C8orf34: variants seen among roughly 807,000 people sequenced by gnomAD.
C8orf34 encodes the protein uncharacterized protein C8orf34.
C8orf34 carries 65 observed loss-of-function variants against 68.3 expected under a neutral mutation model. The observed-to-expected ratio is 0.95, with a 90% CI of 0.78 to 1.17. C8orf34 has a LOEUF of 1.17. Ranked by LOEUF, C8orf34 falls within the 50% of genes most tolerant of loss-of-function variation. The pLI, the probability that C8orf34 is intolerant of heterozygous loss-of-function variation, is 0.00. For synonymous variants in C8orf34, 244 were observed against 241.2 expected, an observed-to-expected ratio of 1.01 and a Z score of -0.11; for missense variants, 664 against 655.4, an observed-to-expected ratio of 1.01 and a Z score of -0.14.
chr8:68,767,247 T>C (rs1202475854), intron 10 of C8orf34, among the ~76,000 whole-genome samples: 1 of 152,090 alleles, frequency 6.6e-6, no homozygotes, highest in Non-Finnish European at 1.5e-5. Context: ...AGAAAACCCA[T>C]CAGTATTCCA....
chr8:68,619,262 G>A (rs1818318039), intron 7 of C8orf34, among the ~76,000 whole-genome samples: 1 of 152,174 alleles, frequency 6.6e-6, no homozygotes, highest in Admixed American at 6.6e-5. Flanking sequence ...GGAGACAGAG[G>A]TTTCAGTGAG....
At chr8:68,332,308 G>A (rs953743329) in intron 1 of C8orf34, among the ~76,000 whole-genome samples, 3 of 151,528 alleles carry the variant, frequency 2.0e-5, no homozygotes, top group African/African-American at 7.3e-5. Context: ...CCAGTTCAGG[G>A]GGCACTGACC....
intron 12 of C8orf34, among the ~76,000 whole-genome samples, chr8:68,788,791 G>A (rs991249740): frequency 4.6e-5 from 7 of 152,112 alleles, no homozygotes; most frequent in East Asian, 1.9e-4. Context: ...ACTGGGAGGC[G>A]GAGGTTGCAG....
intron 1 of C8orf34, among the ~76,000 whole-genome samples, chr8:68,401,883 G>GTT (rs973533277): frequency 6.7e-6 from 1 of 150,322 alleles, no homozygotes; most frequent in African/African-American, 2.5e-5. Context: ...GTGTGTGTGT[G>GTT]TGTGTTCGTA....
At chr8:68,767,767 G>A (rs1823223328) in intron 10 of C8orf34, among the ~76,000 whole-genome samples, 1 of 152,144 alleles carries the variant, frequency 6.6e-6, no homozygotes, top group Non-Finnish European at 1.5e-5. Flanking sequence ...AGTCTCCCAA[G>A]TAGCTGGGAC....
In C8orf34 at chr8:68,419,574, A is replaced by T. The variant is rs1809850086; in HGVS notation, c.328-19925A>T. The stretch of plus-strand genomic sequence containing the variant: ...TTCACAATAGCAAAGACTTGGAACC[A>T]ACCCAAATGTCCAACAATGATAGAC... On this transcript the variant is annotated intron_variant, in intron 1 of 13. Coordinates refer to ENST00000518698, the MANE Select transcript of C8orf34 (RefSeq NM_052958.4). 2.0e-5 allele frequency among the ~76,000 whole-genome samples: 3 copies of T among 151,904 alleles called. No individual in the cohort carries two copies. In the South Asian group the frequency reaches 6.2e-4, roughly 32 times the overall value.
chr8:68,339,270 ATAAT>A (rs1218288862), intron 1 of C8orf34, among the ~76,000 whole-genome samples: 3 of 151,524 alleles, frequency 2.0e-5, no homozygotes, highest in Non-Finnish European at 4.4e-5. Context: ...GAGACAATAA[ATAAT>A]AAGTAAGTTT....
Position 68,521,823 on chromosome 8 carries a change from C to T in C8orf34, c.790C>T (p.Leu264Phe), listed in dbSNP as rs893459569. 2 of 1,613,538 alleles carry T rather than the reference C, an allele frequency of 1.2e-6. No individual in the cohort carries two copies. Among genetic ancestry groups the T allele is most frequent in the Non-Finnish European group, 1.7e-6 (2 of 1,179,800 alleles). Reference sequence around the variant, plus strand: ...GGAAACAGTGACATTTAATTCTTCTCTTCTGAGGCCCCGTGTGATTGGAGA... The same window carrying T: ...GGAAACAGTGACATTTAATTCTTCTTTTCTGAGGCCCCGTGTGATTGGAGA... ...DKETVTFNSSLLRPRVIGEWI... is the reference protein window; with the variant it reads ...DKETVTFNSSFLRPRVIGEWI... The change falls in exon 6 of 14, where the codon CTT (leucine) becomes TTT (phenylalanine). Residue 264 changes from leucine to phenylalanine, a missense_variant. Transcript: ENST00000518698.
intron 4 of C8orf34, among the ~76,000 whole-genome samples, chr8:68,481,192 T>A (rs1812844187): frequency 6.6e-6 from 1 of 152,216 alleles, no homozygotes; most frequent in South Asian, 2.1e-4. Flanking sequence ...TCAGAGGGTA[T>A]AAGCCCCAAG....
intron 11 of C8orf34, among the ~76,000 whole-genome samples, chr8:68,782,725 C>T (rs1324327754): frequency 6.6e-6 from 1 of 152,062 alleles, no homozygotes; most frequent in Non-Finnish European, 1.5e-5. Context: ...TCAAGAGCTG[C>T]TTGTGCTAAA....
At chr8:68,485,038 T>C (rs1177306320) in intron 4 of C8orf34, among the ~76,000 whole-genome samples, 1 of 152,180 alleles carries the variant, frequency 6.6e-6, no homozygotes, top group Non-Finnish European at 1.5e-5. Flanking sequence ...CTAGTTTGAG[T>C]TGTATTCTGG....
At chr8:68,672,396 C>T (rs1433681473) in intron 8 of C8orf34, among the ~76,000 whole-genome samples, 4 of 152,132 alleles carry the variant, frequency 2.6e-5, no homozygotes, top group African/African-American at 7.2e-5. Flanking sequence ...ATTGCCAAGG[C>T]CACCCTACAC....
intron 7 of C8orf34, among the ~76,000 whole-genome samples, chr8:68,566,916 A>G (rs1816607736): frequency 2.6e-5 from 4 of 152,176 alleles, no homozygotes. Context: ...AATTCTGTTT[A>G]TGTGGTGTAT....
At chr8:68,388,157 C>G (rs1334064949) in intron 1 of C8orf34, among the ~76,000 whole-genome samples, 1 of 152,150 alleles carries the variant, frequency 6.6e-6, no homozygotes, top group Non-Finnish European at 1.5e-5. Context: ...AACAGACATT[C>G]AATTTACCGT....
chr8:68,702,777 TA>T lies in C8orf34; in HGVS notation c.1242-6216del, dbSNP rs765051794. ...ATTTTTTAAGGGAATTATATCACCT[TA>T]TTGGGTGTTTTGGTTTTTTAAAGTA... On this transcript the variant is annotated intron_variant, in intron 8 of 13. Transcript: ENST00000518698. Among the ~76,000 whole-genome samples, 4 of 152,154 alleles carry T rather than the reference TA, an allele frequency of 2.6e-5. No homozygotes were observed. The East Asian group carries it at 7.7e-4, about 29-fold the overall frequency.
At position 68,653,166 on chromosome 8, in the gene C8orf34, C is replaced by T. The variant is rs994408799; in HGVS notation, c.1241+12655C>T. 5.3e-5 allele frequency among the ~76,000 whole-genome samples: 8 copies of T among 152,136 alleles called. No homozygotes were observed. In the East Asian group the frequency reaches 5.8e-4, roughly 11 times the overall value. ...GTTTAAGGTTACTAAAATTTAAAAC[C>T]GCAGTAAACTTTTGGGATACCTTAT... On this transcript the variant is annotated intron_variant, in intron 8 of 13. Transcript: ENST00000518698.
In C8orf34 at chr8:68,614,791, T is replaced by C. The variant is rs552649144; in HGVS notation, c.1106-25585T>C. Among the ~76,000 whole-genome samples the C allele has an allele frequency of 1.9e-3, 282 of 152,322 alleles. 1 individual carries two copies. Among genetic ancestry groups the C allele is most frequent in the African/African-American group, 6.3e-3 (263 of 41,574 alleles). On this transcript the variant is annotated intron_variant, in intron 7 of 13. Coordinates refer to ENST00000518698, the MANE Select transcript of C8orf34 (RefSeq NM_052958.4). The stretch of plus-strand genomic sequence containing the variant: ...ATGTGGGCTCTTTTTTGGTTCCACA[T>C]GAACTTTAAAGTAGTTTTTTCCAAT...
chr8:68,415,753 C>T (rs1352411121), intron 1 of C8orf34, among the ~76,000 whole-genome samples: 1 of 152,246 alleles, frequency 6.6e-6, no homozygotes, highest in Non-Finnish European at 1.5e-5. Flanking sequence ...GAGACTTGAT[C>T]TGTCTTCCTT....
In C8orf34 at chr8:68,642,355, G is replaced by T. The variant is rs143550655; in HGVS notation, c.1241+1844G>T. On this transcript the variant is annotated intron_variant, in intron 8 of 13. Transcript: ENST00000518698. The stretch of plus-strand genomic sequence containing the variant: ...GATAAATGTGGTAAACAGTATGGAA[G>T]AAGATTCTAGACTGTTCATTTTAGA... Among the ~76,000 whole-genome samples the T allele has an allele frequency of 6.6e-5, 10 of 152,338 alleles. No individual in the cohort carries two copies. The East Asian group carries it at 1.9e-3, about 29-fold the overall frequency.
Sources: gnomAD v4.1 joint callset for allele counts (sites outside exome capture counted in the v4.1 genomes callset) on GRCh38, gnomAD v4.1.1 for gene constraint, MANE v1.5 for transcripts, NCBI Gene and HGNC (gene_info 2026-07-23, HGNC 2026-07-21) for gene names.